Variants in STAG2 observed in about 807,000 individuals in gnomAD.
STAG2 encodes the protein cohesin subunit SA-2.
In STAG2, 14 loss-of-function variants were observed where a neutral mutation model predicts 108.1. That is an observed-to-expected ratio of 0.13 (90% CI 0.09 to 0.20). The LOEUF (loss-of-function observed/expected upper bound fraction) is 0.20, where lower values mean the gene tolerates loss of function less well. Ranked by LOEUF, STAG2 falls within the 10% of genes least tolerant of loss-of-function variation. The pLI is 1.00. For synonymous variants in STAG2, 307 were observed against 302.7 expected (o/e 1.01, Z -0.15); for missense variants, 440 against 940.9 (o/e 0.47, Z 6.96).
At chrX:124,064,091 C>G in intron 20 of STAG2, 40 bp downstream of exon 20, 1 of 1,001,539 alleles carries the variant, frequency 1.0e-6, no homozygotes, top group Non-Finnish European at 1.4e-6. Context: ...GTCAGTTGAG[C>G]CCCTCTACTG....
rs936337271 is a variant in STAG2 at position 123,994,612 on chromosome X, T to C, written c.-162-26755T>C. On this transcript the variant is annotated intron_variant, in intron 1 of 34. Transcript: ENST00000371145. ...GAGTAAGATATTTCAGGGGTTTCTA[T>C]GTGATAGTTTTAGATAGTTCCTTAA... Among the ~76,000 whole-genome samples the C allele has an allele frequency of 2.7e-5, 3 of 112,158 alleles. No individual in the cohort carries two copies. The East Asian group carries it at 8.4e-4, about 31-fold the overall frequency.
At chrX:123,999,492 A>G (rs1332403111) in intron 1 of STAG2, among the ~76,000 whole-genome samples, 3 of 111,085 alleles carry the variant, frequency 2.7e-5, no homozygotes, top group African/African-American at 9.8e-5. Context: ...CACCCAGGCT[A>G]GAGTGCAGTG....
chrX:123,967,466 A>T (rs1262501229), intron 1 of STAG2, among the ~76,000 whole-genome samples: 10 of 108,983 alleles, frequency 9.2e-5, no homozygotes, highest in African/African-American at 3.4e-4. Context: ...GGTTTTTTCC[A>T]TGTTGGTCAG....
intron 1 of STAG2, among the ~76,000 whole-genome samples, chrX:123,979,508 A>G (rs1018709679): frequency 1.8e-5 from 2 of 111,611 alleles, no homozygotes; most frequent in Non-Finnish European, 3.8e-5. Flanking sequence ...AAGTAAACTA[A>G]TTTCATATTT....
intron 1 of STAG2, among the ~76,000 whole-genome samples, chrX:123,993,822 GA>G (rs2055597664): frequency 9.0e-6 from 1 of 111,367 alleles, no homozygotes; most frequent in African/African-American, 3.3e-5. Context: ...GCATTTAAAC[GA>G]ACATTTTATA....
At chrX:124,034,273 C>T (rs1364200370) in intron 5 of STAG2, among the ~76,000 whole-genome samples, 1 of 111,745 alleles carries the variant, frequency 8.9e-6, no homozygotes, top group Non-Finnish European at 1.9e-5. Flanking sequence ...CTCAAGCAAT[C>T]CTCCTGCCTC....
chrX:124,067,250 C>T (rs2058555009), intron 23 of STAG2, among the ~76,000 whole-genome samples: 1 of 107,509 alleles, frequency 9.3e-6, no homozygotes. Context: ...GTATTGTTAA[C>T]ATTGTGTGCT....
intron 29 of STAG2, among the ~76,000 whole-genome samples, chrX:124,085,834 T>C (rs72610620): frequency 0.1 from 11,350 of 109,350 alleles, 654 homozygotes; most frequent in East Asian, 0.38. Context: ...AGCAGTATGC[T>C]TTGTGACTGA....
chrX:124,040,264 C>T (rs1210574112), intron 6 of STAG2, among the ~76,000 whole-genome samples: 1 of 111,470 alleles, frequency 9.0e-6, no homozygotes, highest in African/African-American at 3.3e-5. Flanking sequence ...ATATTTAACT[C>T]CATGCTGCTC....
intron 10 of STAG2, among the ~76,000 whole-genome samples, chrX:124,049,479 A>G (rs994323828): frequency 6.2e-5 from 7 of 112,347 alleles, no homozygotes; most frequent in African/African-American, 2.3e-4. Flanking sequence ...TTTTGAATGA[A>G]CAGAGGAAAG....
chrX:124,038,379 G>C (rs1332870809), intron 6 of STAG2, among the ~76,000 whole-genome samples: 2 of 108,916 alleles, frequency 1.8e-5, no homozygotes, highest in African/African-American at 6.7e-5. Flanking sequence ...ATGATGCCCG[G>C]GCAAATACAT....
chrX:124,086,193 C>T (rs1005958739), intron 29 of STAG2, among the ~76,000 whole-genome samples: 5 of 110,885 alleles, frequency 4.5e-5, no homozygotes, highest in African/African-American at 1.6e-4. Context: ...GTCACATGAA[C>T]GTTAGTTGAA....
At chrX:123,970,513 C>A (rs887554447) in intron 1 of STAG2, among the ~76,000 whole-genome samples, 1 of 111,618 alleles carries the variant, frequency 9.0e-6, no homozygotes, top group Non-Finnish European at 1.9e-5. Flanking sequence ...TTTTACTTTT[C>A]ACTGTCACTT....
intron 15 of STAG2, among the ~76,000 whole-genome samples, 177 bp downstream of exon 15, chrX:124,058,154 CTTTTTTTT>C (rs999044036): frequency 1.4e-5 from 1 of 72,965 alleles, no homozygotes; most frequent in Non-Finnish European, 2.6e-5. Context: ...TACTTTTCTT[CTTTTTTTT>C]TTTTTTTTTT....
chrX:124,047,611 A>C, intron 9 of STAG2, 106 bp downstream of exon 9: 1 of 657,799 alleles, frequency 1.5e-6, no homozygotes, highest in Non-Finnish European at 2.3e-6. Context: ...TGAAATATTT[A>C]AATGTAAATA....
In STAG2 at chrX:124,022,681, T is replaced by C. The variant is rs776206235; in HGVS notation, c.44+10T>C. 7 of 1,097,253 alleles carry C rather than the reference T, an allele frequency of 6.4e-6. No individual in the cohort carries two copies. In the South Asian group the frequency reaches 1.5e-4, roughly 23 times the overall value. 90.4% of individuals were successfully genotyped at this position (1,097,253 alleles called of 1,213,427 possible). ...ATTTTAATCTACTACAGTAAGTAAA[T>C]TATATTCTGATAATTTTTAAATACT... On this transcript the variant is annotated intron_variant, in intron 3 of 34. Transcript: ENST00000371145.
intron 1 of STAG2, among the ~76,000 whole-genome samples, chrX:123,997,487 C>T (rs901561810): frequency 4.5e-5 from 5 of 112,079 alleles, no homozygotes; most frequent in African/African-American, 1.6e-4. Flanking sequence ...CACCCAGCAC[C>T]TGGCAAACCA....
At chrX:124,068,779 A>G (rs2058598792) in intron 24 of STAG2, 123 bp downstream of exon 24, 1 of 407,336 alleles carries the variant, frequency 2.5e-6, no homozygotes, top group Admixed American at 5.2e-5. Flanking sequence ...CTGCCTATGT[A>G]TATTATACTA....
intron 1 of STAG2, among the ~76,000 whole-genome samples, chrX:123,987,699 A>G (rs1245578251): frequency 2.7e-5 from 3 of 112,366 alleles, no homozygotes; most frequent in African/African-American, 9.7e-5. Flanking sequence ...TCTTTAATCA[A>G]GAGCCCTAAA....
Sources: gnomAD v4.1 joint callset for allele counts (sites outside exome capture counted in the v4.1 genomes callset) on GRCh38, gnomAD v4.1.1 for gene constraint, MANE v1.5 for transcripts, NCBI Gene and HGNC (gene_info 2026-07-23, HGNC 2026-07-21) for gene names.